The following EHD4 variants were observed in gnomAD, a reference collection of about 807,000 sequenced individuals.
EHD4 encodes the protein EH domain-containing protein 4.
Under a neutral mutation model 51.0 loss-of-function variants are expected in EHD4, and 37 were observed. The ratio of observed to expected loss-of-function variants is 0.73; its 90% CI spans 0.56 to 0.95. EHD4 has a LOEUF of 0.95. Ranked by LOEUF, EHD4 falls within the 40% of genes least tolerant of loss-of-function variation. EHD4 has a pLI of 0.00. For synonymous variants in EHD4, 297 were observed against 317.3 expected, an observed-to-expected ratio of 0.94 and a Z score of 0.68; for missense variants, 632 against 733.1, an observed-to-expected ratio of 0.86 and a Z score of 1.59.
rs1434953175 is a variant in EHD4 at position 41,953,703 on chromosome 15, C to A, written c.413+61G>T. 4 of 1,496,358 alleles carry A rather than the reference C, an allele frequency of 2.7e-6. No individual in the cohort carries two copies. In the East Asian group the frequency reaches 9.5e-5, roughly 35 times the overall value. The allele number at this position is 1,496,358 out of a possible 1,614,324, so 92.7% of individuals were successfully genotyped here. ...TTTTTGAACCTTTATATGTAACTGGCAGTAATTCAAAGAAAAGGTTTAAAC... is the reference window on the plus strand; with the variant it reads ...TTTTTGAACCTTTATATGTAACTGGAAGTAATTCAAAGAAAAGGTTTAAAC... On this transcript the variant is annotated intron_variant, in intron 2 of 5. Transcript: ENST00000220325.
At chr15:41,902,271 C>CCATT (rs2067482652) in intron 5 of EHD4, among the ~76,000 whole-genome samples, 1 of 151,900 alleles carries the variant, frequency 6.6e-6, no homozygotes, top group South Asian at 2.1e-4. Context: ...ATCCATCCAT[C>CCATT]CATCCATCCA....
chr15:41,926,792 C>T (rs556294416), intron 3 of EHD4, among the ~76,000 whole-genome samples: 22 of 152,352 alleles, frequency 1.4e-4, no homozygotes, highest in South Asian at 4.1e-4. Flanking sequence ...TCTGCTGTTC[C>T]GCAGCAGCAT....
chr15:41,970,763 T>C (rs2067990172), intron 1 of EHD4, among the ~76,000 whole-genome samples: 1 of 152,210 alleles, frequency 6.6e-6, no homozygotes, highest in African/African-American at 2.4e-5. Context: ...ACCACTAAAT[T>C]ACAAAAATAT....
rs1165895243 is a variant in EHD4 at position 41,909,760 on chromosome 15, A to G, written c.1028T>C (p.Ile343Thr). The G allele has an allele frequency of 6.2e-7, 1 of 1,614,058 alleles. No homozygotes were observed. Among genetic ancestry groups the G allele is most frequent in the Admixed American group, 1.7e-5 (1 of 60,010 alleles). Residue 343 changes from isoleucine (I) to threonine (T), a missense_variant, in exon 5 of 6, where the codon ATT becomes ACT. Physicochemically the swap from Ile to Thr is moderately conservative, Grantham distance 89. Coordinates refer to ENST00000220325, the MANE Select transcript of EHD4 (RefSeq NM_139265.4). ...ELISRLPEIY[I>T]QLQREYQISA... is the part of the protein sequence containing the mutation. ...AATCTGGTATTCTCGCTGTAGCTGA[A>G]TGTAGATTTCCGGTAGCCTGCTGAT...
At chr15:41,907,259 A>G (rs1043385042) in intron 5 of EHD4, among the ~76,000 whole-genome samples, 18 of 152,210 alleles carry the variant, frequency 1.2e-4, no homozygotes, top group Non-Finnish European at 2.6e-4. Context: ...GTATTTCTTT[A>G]TAACTTTCAT....
intron 2 of EHD4, among the ~76,000 whole-genome samples, chr15:41,944,935 C>T (rs1359236725): frequency 1.3e-5 from 2 of 152,272 alleles, no homozygotes; most frequent in South Asian, 2.1e-4. Context: ...CTACCCAACA[C>T]GGGGAGAGGT....
chr15:41,949,724 T>A (rs1424352259), intron 2 of EHD4, among the ~76,000 whole-genome samples: 1 of 152,132 alleles, frequency 6.6e-6, no homozygotes, highest in Non-Finnish European at 1.5e-5. Context: ...GATAACAATT[T>A]AAAATAATAC....
At chr15:41,931,438 A>G (rs2067697531) in intron 3 of EHD4, among the ~76,000 whole-genome samples, 1 of 152,158 alleles carries the variant, frequency 6.6e-6, no homozygotes, top group Non-Finnish European at 1.5e-5. Flanking sequence ...ACTTGAACCC[A>G]GGAGGTCAAG....
At chr15:41,931,595 T>C (rs773929631) in intron 3 of EHD4, among the ~76,000 whole-genome samples, 57 of 152,144 alleles carry the variant, frequency 3.7e-4, no homozygotes, top group Non-Finnish European at 7.1e-4. Flanking sequence ...GTGAAATGGC[T>C]AAATTGACAG....
intron 4 of EHD4, among the ~76,000 whole-genome samples, chr15:41,913,936 C>A (rs1372208259): frequency 6.6e-6 from 1 of 152,146 alleles, no homozygotes; most frequent in Non-Finnish European, 1.5e-5. Flanking sequence ...TTTCTCTAGG[C>A]TAATAACTCA....
intron 4 of EHD4, among the ~76,000 whole-genome samples, chr15:41,912,067 G>A (rs547242474): frequency 6.6e-6 from 1 of 152,206 alleles, no homozygotes; most frequent in East Asian, 1.9e-4. Context: ...CTGATCCCTC[G>A]TCTCAGGCCT....
Position 41,919,332 on chromosome 15 carries a change from T to G in EHD4, c.802A>C (p.Thr268Pro). The change falls in exon 4 of 6, where the codon ACG becomes CCG. Residue 268 changes from threonine to proline, a missense_variant. By Grantham distance (38) the Thr-to-Pro change is conservative (BLOSUM62 -1). Transcript: ENST00000220325. ...GSFWAQPLQN[T>P]DNRRLFEAEA... ...GCCTCGAAGAGCCGGCGGTTGTCCG[T>G]GTTCTGCAGGGGCTGCGCCCAGAAG... 6.2e-7 allele frequency: 1 copy of G among 1,614,216 alleles called. No homozygotes were observed. Among genetic ancestry groups the G allele is most frequent in the Non-Finnish European group, 8.5e-7 (1 of 1,180,026 alleles).
At chr15:41,961,659 T>A (rs560052972) in intron 1 of EHD4, among the ~76,000 whole-genome samples, 1 of 152,216 alleles carries the variant, frequency 6.6e-6, no homozygotes, top group African/African-American at 2.4e-5. Context: ...TTTCTCCAAA[T>A]AGAATCATTT....
In EHD4 at chr15:41,969,530, C is replaced by A. The variant is rs567363911; in HGVS notation, c.236+2729G>T. On this transcript the variant is annotated intron_variant, in intron 1 of 5. Coordinates refer to ENST00000220325, the MANE Select transcript of EHD4 (RefSeq NM_139265.4). ...CATGGCACTCCAGCCTGGGCAACAACAGCGAAACTGTCTCAAAAAAAAAAA... is the reference window on the plus strand; with the variant it reads ...CATGGCACTCCAGCCTGGGCAACAAAAGCGAAACTGTCTCAAAAAAAAAAA... Among the ~76,000 whole-genome samples, 206 of 149,940 alleles carry A rather than the reference C, an allele frequency of 1.4e-3. 1 individual carries two copies. The highest frequency in any genetic ancestry group is 4.9e-3 in the African/African-American group (197 of 39,912).
intron 1 of EHD4, among the ~76,000 whole-genome samples, chr15:41,959,562 A>T (rs1020866967): frequency 6.6e-6 from 1 of 152,118 alleles, no homozygotes; most frequent in African/African-American, 2.4e-5. Flanking sequence ...GTTTCATGTA[A>T]TATATTTTTC....
At chr15:41,906,708 C>A (rs1047977112) in intron 5 of EHD4, among the ~76,000 whole-genome samples, 9 of 152,208 alleles carry the variant, frequency 5.9e-5, no homozygotes, top group African/African-American at 2.2e-4. Context: ...CTGTAGCACC[C>A]CCTCTGGGGC....
chr15:41,934,670 C>T (rs778280085), intron 3 of EHD4, among the ~76,000 whole-genome samples: 21 of 152,110 alleles, frequency 1.4e-4, no homozygotes, highest in Non-Finnish European at 2.6e-4. Flanking sequence ...TGGGGCTCAC[C>T]GTGCTAGTCT....
chr15:41,963,912 G>A (rs908965110), intron 1 of EHD4, among the ~76,000 whole-genome samples: 12 of 152,012 alleles, frequency 7.9e-5, no homozygotes, highest in African/African-American at 2.9e-4. Flanking sequence ...TTGGGAGGCC[G>A]AGGCAGGTGG....
chr15:41,926,958 C>T (rs1214820004), intron 3 of EHD4, among the ~76,000 whole-genome samples: 1 of 152,216 alleles, frequency 6.6e-6, no homozygotes, highest in Non-Finnish European at 1.5e-5. Flanking sequence ...TTCCTGTTTC[C>T]TCCTGATGGG....
Sources: allele counts gnomAD v4.1 joint callset (sites outside exome capture counted in the v4.1 genomes callset), GRCh38; gene constraint gnomAD v4.1.1; transcripts MANE v1.5; gene names NCBI Gene and HGNC (gene_info 2026-07-23, HGNC 2026-07-21).